The following AKR1C4 variants were observed in gnomAD, a reference collection of about 807,000 sequenced individuals.
The protein encoded by AKR1C4 is aldo-keto reductase family 1 member C4.
AKR1C4 carries 44 observed loss-of-function variants against 41.0 expected under a neutral mutation model. That is an observed-to-expected ratio of 1.07 (90% CI 0.84 to 1.38). The LOEUF is 1.38. Ranked by LOEUF, AKR1C4 falls within the 40% of genes most tolerant of loss-of-function variation. AKR1C4 has a pLI of 0.00. For missense variants in AKR1C4, 438 were observed against 387.9 expected, an observed-to-expected ratio of 1.13 and a Z score of -1.09; for synonymous variants, 165 against 137.7, an observed-to-expected ratio of 1.20 and a Z score of -1.39.
chr10:5,206,686 G>A (rs1447469936), intron 5 of AKR1C4, among the ~76,000 whole-genome samples: 2 of 146,566 alleles, frequency 1.4e-5, no homozygotes, highest in Non-Finnish European at 1.5e-5. Flanking sequence ...GGAGAAGGTG[G>A]ACTTATCTCT....
intron 1 of AKR1C4, 28 bp from the exon 2 acceptor site, chr10:5,200,153 C>G: frequency 6.3e-7 from 1 of 1,598,162 alleles, no homozygotes; most frequent in East Asian, 2.2e-5. Context: ...CATTGATCAC[C>G]AAATACTACC....
At chr10:5,200,512 T>C (rs531387295) in intron 2 of AKR1C4, among the ~76,000 whole-genome samples, 164 bp downstream of exon 2, 5 of 152,380 alleles carry the variant, frequency 3.3e-5, no homozygotes, top group South Asian at 4.1e-4. Flanking sequence ...CAGAGAATGA[T>C]GATGCCTTTC....
intron 2 of AKR1C4, among the ~76,000 whole-genome samples, 170 bp from the exon 3 acceptor site, chr10:5,204,207 T>C (rs1353891637): frequency 6.7e-6 from 1 of 149,464 alleles, no homozygotes; most frequent in Non-Finnish European, 1.5e-5. Flanking sequence ...TAACTATATA[T>C]GCAATATGTA....
At chr10:5,201,027 G>C (rs1458045137) in intron 2 of AKR1C4, among the ~76,000 whole-genome samples, 1 of 151,946 alleles carries the variant, frequency 6.6e-6, no homozygotes, top group Non-Finnish European at 1.5e-5. Context: ...CACTTGGATT[G>C]GTTTCATATT....
chr10:5,202,098 T>A (rs1832408453), intron 2 of AKR1C4, among the ~76,000 whole-genome samples: 1 of 152,128 alleles, frequency 6.6e-6, no homozygotes, highest in Non-Finnish European at 1.5e-5. Context: ...CCTTTTGTGG[T>A]TCCATATGAA....
At chr10:5,197,577 G>C (rs564476183) in intron 1 of AKR1C4, among the ~76,000 whole-genome samples, 1 of 152,192 alleles carries the variant, frequency 6.6e-6, no homozygotes, top group African/African-American at 2.4e-5. Context: ...TTTTTGGTCC[G>C]TGTTAATATG....
rs181774711 is a variant in AKR1C4, at chr10:5,211,512, G to T, written c.571-1104G>T. ...CTAAAACATAACAAGAGTCACCTTT[G>T]CTCCAGTTCCCAACAAGTTCCTCAT... On this transcript the variant is annotated intron_variant, in intron 5 of 8. Coordinates refer to ENST00000263126, the MANE Select transcript of AKR1C4 (RefSeq NM_001818.5). 9.1e-4 allele frequency among the ~76,000 whole-genome samples: 138 copies of T among 152,258 alleles called. 1 individual carries two copies. The highest frequency in any genetic ancestry group is 3.2e-3 in the African/African-American group (133 of 41,556).
chr10:5,217,281 T>C (rs1291162288), intron 8 of AKR1C4, among the ~76,000 whole-genome samples: 1 of 152,244 alleles, frequency 6.6e-6, no homozygotes, highest in Non-Finnish European at 1.5e-5. Flanking sequence ...TCATGTCAAT[T>C]CAGTATCTTT....
At chr10:5,211,501 G>T (rs954477448) in intron 5 of AKR1C4, among the ~76,000 whole-genome samples, 2 of 152,130 alleles carry the variant, frequency 1.3e-5, no homozygotes, top group Non-Finnish European at 2.9e-5. Flanking sequence ...AACATAACAA[G>T]AGTCACCTTT....
chr10:5,211,967 A>G (rs982019730), intron 5 of AKR1C4, among the ~76,000 whole-genome samples: 7 of 152,172 alleles, frequency 4.6e-5, no homozygotes, highest in African/African-American at 1.7e-4. Flanking sequence ...CACTATCATG[A>G]GAACAACACA....
At chr10:5,212,843 A>T (rs1832599238) in intron 6 of AKR1C4, 118 bp downstream of exon 6, 5 of 1,393,098 alleles carry the variant, frequency 3.6e-6, no homozygotes, top group Admixed American at 2.3e-5. Context: ...GATAATTTGC[A>T]TTTCTTATGA....
chr10:5,212,475 T>C (rs1185004881), intron 5 of AKR1C4, 141 bp from the exon 6 acceptor site: 6 of 824,090 alleles, frequency 7.3e-6, no homozygotes, highest in Non-Finnish European at 1.1e-5. Context: ...TAATATAAAC[T>C]GTATTTTTAT....
chr10:5,216,249 C>T (rs1554798477), intron 7 of AKR1C4, among the ~76,000 whole-genome samples: 2 of 152,190 alleles, frequency 1.3e-5, no homozygotes, highest in Non-Finnish European at 2.9e-5. Flanking sequence ...GGCACCCAGC[C>T]ATTCATGAGG....
intron 5 of AKR1C4, among the ~76,000 whole-genome samples, chr10:5,209,256 C>A (rs760259181): frequency 7.0e-4 from 106 of 152,270 alleles, no homozygotes; most frequent in Non-Finnish European, 1.2e-3. Context: ...AGTTATATTA[C>A]ACAGCAAATT....
intron 2 of AKR1C4, 75 bp from the exon 3 acceptor site, chr10:5,204,301 TA>T: frequency 1.7e-6 from 2 of 1,169,236 alleles, no homozygotes; most frequent in Non-Finnish European, 2.5e-6. Context: ...GAAAAATGTC[TA>T]AATATTAGGT....
At chr10:5,198,797 C>T (rs998106052) in intron 1 of AKR1C4, among the ~76,000 whole-genome samples, 1 of 152,064 alleles carries the variant, frequency 6.6e-6, no homozygotes, top group Non-Finnish European at 1.5e-5. Flanking sequence ...CCTTGAGCTC[C>T]GGAGTTTGAG....
intron 3 of AKR1C4, among the ~76,000 whole-genome samples, chr10:5,205,202 G>T (rs1307395224): frequency 6.6e-6 from 1 of 152,122 alleles, no homozygotes; most frequent in South Asian, 2.1e-4. Flanking sequence ...CTGGATTTTT[G>T]TCCCAGCCTT....
chr10:5,218,505 C>T (rs1164203936), intron 8 of AKR1C4, among the ~76,000 whole-genome samples: 1 of 149,014 alleles, frequency 6.7e-6, no homozygotes, highest in East Asian at 2.0e-4. Flanking sequence ...TGATAAATTC[C>T]AGGCAAGGGA....
Position 5,210,060 on chromosome 10 carries a change from A to T in AKR1C4, c.571-2556A>T, listed in dbSNP as rs149749819. Among the ~76,000 whole-genome samples the T allele has an allele frequency of 2.7e-3, 406 of 152,346 alleles. 5 individuals are homozygous for T. Among genetic ancestry groups the T allele is most frequent in the African/African-American group, 8.6e-3 (358 of 41,592 alleles). ...AAAGCAAGTTAGTTACTTCCAGGAT[A>T]CAATGGCGGTACAGGCATTGGGCAA... is the stretch of plus-strand genomic sequence containing the variant. On this transcript the variant is annotated intron_variant, in intron 5 of 8. Transcript: ENST00000263126.
Sources: allele counts gnomAD v4.1 joint callset (sites outside exome capture counted in the v4.1 genomes callset), GRCh38; gene constraint gnomAD v4.1.1; transcripts MANE v1.5; gene names NCBI Gene and HGNC (gene_info 2026-07-23, HGNC 2026-07-21).